The following SHANK2 variants were observed in gnomAD, a reference collection of about 807,000 sequenced individuals.
SHANK2 encodes SH3 and multiple ankyrin repeat domains protein 2.
Under a neutral mutation model 133.7 loss-of-function variants are expected in SHANK2, and 43 were observed. The ratio of observed to expected loss-of-function variants is 0.32; its 90% CI spans 0.25 to 0.41. The LOEUF (loss-of-function observed/expected upper bound fraction) is 0.41, where lower values mean the gene tolerates loss of function less well. Among genes scored for constraint, SHANK2 ranks in the 10% least tolerant of loss-of-function variants. The pLI is 1.00. For missense variants in SHANK2, 1,994 were observed against 2,235.8 expected, an observed-to-expected ratio of 0.89 and a Z score of 2.18; for synonymous variants, 1,017 against 952.8, an observed-to-expected ratio of 1.07 and a Z score of -1.24.
chr11:70,560,239 T>C (rs929842648), intron 17 of SHANK2, among the ~76,000 whole-genome samples: 14 of 152,108 alleles, frequency 9.2e-5, no homozygotes, highest in Non-Finnish European at 2.1e-4. Context: ...TAATTCTATA[T>C]ACTAGCAAAA....
At chr11:70,796,115 G>A (rs1250031818) in intron 14 of SHANK2, among the ~76,000 whole-genome samples, 1 of 152,222 alleles carries the variant, frequency 6.6e-6, no homozygotes, top group Non-Finnish European at 1.5e-5. Context: ...TTTTCTGGCA[G>A]ACTCCACCTC....
intron 2 of SHANK2, among the ~76,000 whole-genome samples, chr11:71,191,071 T>A (rs1953783279): frequency 1.3e-5 from 2 of 151,850 alleles, no homozygotes; most frequent in African/African-American, 2.4e-5. Flanking sequence ...TTTAGGAGGC[T>A]GAGGCAGGAG....
At chr11:71,144,314 A>G (rs1952607376) in intron 3 of SHANK2, among the ~76,000 whole-genome samples, 1 of 152,000 alleles carries the variant, frequency 6.6e-6, no homozygotes, top group Non-Finnish European at 1.5e-5. Context: ...TTCCCAGCCT[A>G]CTCTGCAGTC....
At chr11:70,802,955 C>T (rs1248137692) in intron 13 of SHANK2, among the ~76,000 whole-genome samples, 11 of 152,284 alleles carry the variant, frequency 7.2e-5, no homozygotes, top group African/African-American at 1.2e-4. Flanking sequence ...AAAATGACCA[C>T]GCTCACTGTG....
rs1390783007 is a variant in SHANK2, at chr11:70,663,092, C to T, written c.1854-1414G>A. Among the ~76,000 whole-genome samples, 3 of 152,254 alleles carry T rather than the reference C, an allele frequency of 2.0e-5. No individual in the cohort carries two copies. The East Asian group carries it at 5.8e-4, about 29-fold the overall frequency. Reference sequence around the variant, plus strand: ...GGGGTGAGGAGAAAGGACACCAGGCCAGCGGCCCAGCCGGAAAAAGCTGCA... The same window carrying T: ...GGGGTGAGGAGAAAGGACACCAGGCTAGCGGCCCAGCCGGAAAAAGCTGCA... On this transcript the variant is annotated intron_variant, in intron 15 of 25. Transcript: ENST00000601538.
chr11:70,646,744 T>C (rs1555008357), intron 17 of SHANK2, among the ~76,000 whole-genome samples: 3 of 152,188 alleles, frequency 2.0e-5, no homozygotes, highest in African/African-American at 7.2e-5. Context: ...GGAATCACAG[T>C]CCAGATACCA....
intron 6 of SHANK2, among the ~76,000 whole-genome samples, chr11:71,098,756 C>A (rs1393701984): frequency 6.6e-6 from 1 of 152,180 alleles, no homozygotes; most frequent in East Asian, 1.9e-4. Flanking sequence ...AGGGGCCGAT[C>A]TTGCAATGCA....
At chr11:71,211,182 G>T (rs1555118831) in intron 2 of SHANK2, among the ~76,000 whole-genome samples, 2 of 145,830 alleles carry the variant, frequency 1.4e-5, no homozygotes, top group African/African-American at 5.1e-5. Flanking sequence ...GTGTCCTATT[G>T]GTCAATTTCC....
intron 14 of SHANK2, among the ~76,000 whole-genome samples, chr11:70,759,778 T>C (rs1403542247): frequency 6.6e-6 from 1 of 152,202 alleles, no homozygotes; most frequent in Non-Finnish European, 1.5e-5. Context: ...GCCCCGGCCT[T>C]GGGATGGACA....
intron 14 of SHANK2, among the ~76,000 whole-genome samples, chr11:70,769,026 G>C (rs550450615): frequency 7.2e-5 from 11 of 152,242 alleles, no homozygotes; most frequent in Non-Finnish European, 1.0e-4. Flanking sequence ...GCCTTGTCGG[G>C]GTCTGTCCAC....
At chr11:70,840,904 G>A (rs1197183477) in intron 11 of SHANK2, among the ~76,000 whole-genome samples, 1 of 152,184 alleles carries the variant, frequency 6.6e-6, no homozygotes, top group Admixed American at 6.5e-5. Flanking sequence ...TTTCACTGGA[G>A]CTTGATAAGA....
At chr11:71,130,313 G>A (rs1952275691) in intron 3 of SHANK2, among the ~76,000 whole-genome samples, 1 of 152,190 alleles carries the variant, frequency 6.6e-6, no homozygotes, top group South Asian at 2.1e-4. Context: ...CATAAACAAT[G>A]GTGGAGCAGC....
At chr11:70,795,769 A>G (rs782655005) in intron 14 of SHANK2, among the ~76,000 whole-genome samples, 1 of 152,188 alleles carries the variant, frequency 6.6e-6, no homozygotes, top group African/African-American at 2.4e-5. Context: ...GAGAGATGCA[A>G]TGGAAGAAGG....
chr11:70,716,514 G>A (rs1487891312), intron 14 of SHANK2, among the ~76,000 whole-genome samples: 1 of 152,184 alleles, frequency 6.6e-6, no homozygotes, highest in Non-Finnish European at 1.5e-5. Flanking sequence ...TCGGTGCTGG[G>A]ACCTTGGCCA....
intron 17 of SHANK2, among the ~76,000 whole-genome samples, chr11:70,643,463 C>G (rs2061214823): frequency 6.6e-6 from 1 of 150,634 alleles, no homozygotes; most frequent in Non-Finnish European, 1.5e-5. Context: ...CCTCAGGAGG[C>G]TGAGGCAGGA....
At chr11:70,493,318 T>G (rs1156389686) in intron 21 of SHANK2, among the ~76,000 whole-genome samples, 3 of 149,968 alleles carry the variant, frequency 2.0e-5, no homozygotes, top group Non-Finnish European at 4.4e-5. Context: ...TAGTAAGTGT[T>G]GCAGAGGGAA....
At chr11:70,861,672 G>T (rs1048208033) in intron 11 of SHANK2, among the ~76,000 whole-genome samples, 4 of 152,100 alleles carry the variant, frequency 2.6e-5, no homozygotes, top group Non-Finnish European at 4.4e-5. Context: ...TTGTTTCTTT[G>T]ACTCCTCTGG....
chr11:71,146,695 A>G (rs4614482), intron 3 of SHANK2, among the ~76,000 whole-genome samples: 100,498 of 152,092 alleles, frequency 0.66, 34,414 homozygotes, highest in African/African-American at 0.85. Flanking sequence ...CCTCTGGCAC[A>G]GCAGAGTCCG....
intron 1 of SHANK2, among the ~76,000 whole-genome samples, chr11:71,242,483 T>C (rs1208459501): frequency 2.6e-5 from 4 of 152,176 alleles, no homozygotes; most frequent in Admixed American, 6.5e-5. Flanking sequence ...CACCGCTTCC[T>C]TTACCTCCTT....
Sources: gnomAD v4.1 joint callset for allele counts (sites outside exome capture counted in the v4.1 genomes callset) on GRCh38, gnomAD v4.1.1 for gene constraint, MANE v1.5 for transcripts, NCBI Gene and HGNC (gene_info 2026-07-23, HGNC 2026-07-21) for gene names.